Variants in KDM5A observed in about 807,000 individuals in gnomAD.
The protein encoded by KDM5A is lysine-specific demethylase 5A.
A neutral mutation model predicts 193.5 loss-of-function variants in KDM5A; 42 were observed. That is an observed-to-expected ratio of 0.22 (90% CI 0.17 to 0.28). The LOEUF is 0.28. KDM5A is among the 10% of genes least tolerant of loss of function. The pLI is 1.00. For synonymous variants in KDM5A, 796 were observed against 718.1 expected (o/e 1.11, Z -1.73); for missense variants, 1,692 against 2,055.1 (o/e 0.82, Z 3.42).
chr12:361,231 G>C (rs998905122), intron 5 of KDM5A, among the ~76,000 whole-genome samples: 2 of 151,390 alleles, frequency 1.3e-5, no homozygotes, highest in African/African-American at 4.9e-5. Flanking sequence ...GTCTTGCTCT[G>C]TCGCCCAGAC....
At chr12:286,390 G>T (rs961755350) in intron 27 of KDM5A, among the ~76,000 whole-genome samples, 1 of 152,166 alleles carries the variant, frequency 6.6e-6, no homozygotes, top group Non-Finnish European at 1.5e-5. Flanking sequence ...GGCTAGGAAG[G>T]GATTGTAGTT....
intron 5 of KDM5A, among the ~76,000 whole-genome samples, chr12:358,580 A>C (rs1202886296): frequency 6.6e-6 from 1 of 152,212 alleles, no homozygotes; most frequent in Admixed American, 6.5e-5. Flanking sequence ...AAAGCAATAA[A>C]GGTCCAAAAA....
At chr12:378,854 G>A (rs775933269) in intron 3 of KDM5A, among the ~76,000 whole-genome samples, 104 of 152,066 alleles carry the variant, frequency 6.8e-4, no homozygotes, top group African/African-American at 2.4e-3. Flanking sequence ...AGCTACGCGG[G>A]AGGCTGAGGC....
intron 27 of KDM5A, among the ~76,000 whole-genome samples, chr12:292,257 A>C (rs1039125090): frequency 6.6e-6 from 1 of 152,218 alleles, no homozygotes; most frequent in Non-Finnish European, 1.5e-5. Context: ...GATTTGAAGA[A>C]AATCATATTC....
chr12:353,251 G>C (rs1289411030), intron 8 of KDM5A, among the ~76,000 whole-genome samples: 1 of 152,032 alleles, frequency 6.6e-6, no homozygotes, highest in African/African-American at 2.4e-5. Flanking sequence ...TATCACCTGA[G>C]CCCAGAAGCC....
At position 371,670 on chromosome 12, in the gene KDM5A, A is replaced by G. The variant is rs572044653; in HGVS notation, c.367-5566T>C. Among the ~76,000 whole-genome samples, 26 of 152,204 alleles carry G rather than the reference A, an allele frequency of 1.7e-4. 1 individual carries two copies. The East Asian group carries it at 5.0e-3, about 29-fold the overall frequency. ...ATTGCTTTTGGTGTTTTAGACATGA[A>G]GTCCTTGCCCATGCCTATGTCCTGA... is the stretch of plus-strand genomic sequence containing the variant. On this transcript the variant is annotated intron_variant, in intron 3 of 27. Coordinates refer to ENST00000399788, the MANE Select transcript of KDM5A (RefSeq NM_001042603.3).
chr12:369,929 G>T (rs1034850896), intron 3 of KDM5A, among the ~76,000 whole-genome samples: 6 of 152,204 alleles, frequency 3.9e-5, no homozygotes, highest in Admixed American at 2.0e-4. Context: ...GTGATTAGTA[G>T]CAGCCAGGAT....
chr12:346,081 G>A (rs1326475918), intron 10 of KDM5A, among the ~76,000 whole-genome samples: 1 of 151,866 alleles, frequency 6.6e-6, no homozygotes, highest in Non-Finnish European at 1.5e-5. Context: ...ATGATAAAGG[G>A]GATATCACCA....
chr12:295,208 A>G (rs1381768691), intron 26 of KDM5A, among the ~76,000 whole-genome samples: 1 of 151,996 alleles, frequency 6.6e-6, no homozygotes, highest in Non-Finnish European at 1.5e-5. Flanking sequence ...AAAGCCATAA[A>G]TCAAATCTCT....
chr12:317,386 G>C (rs541925885), intron 19 of KDM5A, among the ~76,000 whole-genome samples: 2 of 152,176 alleles, frequency 1.3e-5, no homozygotes, highest in East Asian at 1.9e-4. Context: ...AGCTCACCAT[G>C]ATCTTCCCCC....
Position 307,830 on chromosome 12 carries a change from TG to T in KDM5A, c.3553del (p.His1185IlefsTer24). 6.2e-7 allele frequency: 1 copy of T among 1,614,226 alleles called. No individual in the cohort carries two copies. The highest frequency in any genetic ancestry group is 8.5e-7 in the Non-Finnish European group (1 of 1,180,036). On this transcript the variant is annotated frameshift_variant, in exon 23 of 28. Transcript: ENST00000399788. LOFTEE classifies it high-confidence loss of function. This position sits in a 1 kb window ranked among gnomAD's most constrained non-coding sequence, Gnocchi z 4.3. Reference protein sequence around the residue: ...LQCELCKDWFHNSCVPLPKSS... With the variant: ...LQCELCKDWFXNSCVPLPKSS... The stretch of plus-strand genomic sequence containing the variant: ...TTTAGGAAGAGGAACACAGCTGTTA[TG>T]GAACCAGTCTTTGCAGAGCTCACAC...
chr12:281,748 G>T lies in KDM5A; in HGVS notation c.*3708C>A, dbSNP rs1180799546. On this transcript the variant is annotated 3_prime_UTR_variant, in exon 28 of 28. Transcript: ENST00000399788. The stretch of plus-strand genomic sequence containing the variant: ...TAAAAAGTGGATAAACCCATCTTTT[G>T]AAAGACAGGTCTTCTCAGTTTTTCT... The T allele has an allele frequency of 2.1e-5, 5 of 234,156 alleles. No homozygotes were observed. In the East Asian group the frequency reaches 3.0e-4, roughly 14 times the overall value. 14.5% of individuals were successfully genotyped at this position (234,156 alleles called of 1,614,324 possible).
chr12:319,872 G>A (rs1250990015), intron 18 of KDM5A, among the ~76,000 whole-genome samples: 1 of 152,190 alleles, frequency 6.6e-6, no homozygotes, highest in Admixed American at 6.5e-5. Context: ...ATCCAGGGCT[G>A]GAGATGTGGG....
At chr12:375,277 A>G (rs943404571) in intron 3 of KDM5A, among the ~76,000 whole-genome samples, 1 of 151,202 alleles carries the variant, frequency 6.6e-6, no homozygotes, top group African/African-American at 2.4e-5. Context: ...GTTTCTTTTT[A>G]CTCTTTTTTC....
chr12:323,685 T>A lies in KDM5A; in HGVS notation c.2065A>T (p.Thr689Ser), dbSNP rs1346635545. The A allele has an allele frequency of 1.2e-6, 2 of 1,613,980 alleles. No individual in the cohort carries two copies. The highest frequency in any genetic ancestry group is 2.7e-5 in the African/African-American group (2 of 74,934). The change falls in exon 15 of 28, where the codon ACA becomes TCA. Residue 689 changes from threonine (T) to serine (S), a missense_variant. Coordinates refer to ENST00000399788, the MANE Select transcript of KDM5A (RefSeq NM_001042603.3). Reference protein sequence around the residue: ...CRTTCFLSALTCSCNPERLVC... With the variant: ...CRTTCFLSALSCSCNPERLVC... Reference sequence around the variant, plus strand: ...AGCCGCTCAGGATTACAGGAACATGTGAGAGCAGAGAGAAAACATGTGGTT... The same window carrying A: ...AGCCGCTCAGGATTACAGGAACATGAGAGAGCAGAGAGAAAACATGTGGTT...
intron 13 of KDM5A, among the ~76,000 whole-genome samples, chr12:330,085 G>GTGTGTGTGTGTGTGTA (rs377271333): frequency 9.9e-4 from 138 of 139,360 alleles, no homozygotes; most frequent in East Asian, 8.0e-3. Context: ...GTGTGTGTGT[G>GTGTGTGTGTGTGTGTA]TATATATATA....
intron 9 of KDM5A, among the ~76,000 whole-genome samples, 170 bp from the exon 10 acceptor site, chr12:350,949 A>G (rs934230161): frequency 1.3e-5 from 2 of 152,220 alleles, no homozygotes; most frequent in African/African-American, 4.8e-5. Flanking sequence ...GAACAGGGAA[A>G]AGCTGAGACA....
chr12:370,769 C>A (rs1362055028), intron 3 of KDM5A, among the ~76,000 whole-genome samples: 3 of 152,286 alleles, frequency 2.0e-5, no homozygotes, highest in African/African-American at 2.4e-5. Context: ...TCCCCACTAC[C>A]CCCACCCTAC....
At chr12:298,810 T>C (rs1469841740) in intron 24 of KDM5A, among the ~76,000 whole-genome samples, 1 of 151,830 alleles carries the variant, frequency 6.6e-6, no homozygotes, top group Admixed American at 6.6e-5. Flanking sequence ...TCAGGAAAGG[T>C]TAGAGGAATT....
Sources: allele counts gnomAD v4.1 joint callset (sites outside exome capture counted in the v4.1 genomes callset), GRCh38; gene constraint gnomAD v4.1.1; non-coding constraint Gnocchi (gnomAD v3.1); transcripts MANE v1.5; gene names NCBI Gene and HGNC (gene_info 2026-07-23, HGNC 2026-07-21).